The following MEAF6 variants were observed in gnomAD, a reference collection of about 807,000 sequenced individuals.
MEAF6 encodes the protein chromatin modification-related protein MEAF6.
A neutral mutation model predicts 28.9 loss-of-function variants in MEAF6; 15 were observed. The ratio of observed to expected loss-of-function variants is 0.52; its 90% CI spans 0.35 to 0.80. The LOEUF is 0.80. MEAF6 is among the 30% of genes least tolerant of loss of function. MEAF6 has a pLI of 0.01. For missense variants in MEAF6, 178 were observed against 237.5 expected (o/e 0.75, Z 1.65); for synonymous variants, 97 against 88.7 (o/e 1.09, Z -0.53).
In MEAF6 at chr1:37,492,067, C is replaced by T. The variant is rs1387122430; in HGVS notation, c.*2032G>A. Among the ~76,000 whole-genome samples, 1 of 151,274 alleles carries T rather than the reference C, an allele frequency of 6.6e-6. No homozygotes were observed. Among genetic ancestry groups the T allele is most frequent in the African/African-American group, 2.4e-5 (1 of 41,196 alleles). ...TTTTTGAGATGGAGTCTCGCTCTGT[C>T]GCCCAGGCTGGAGTGCAGTGGCACT... On this transcript the variant is annotated 3_prime_UTR_variant, in exon 7 of 7. Coordinates refer to ENST00000296214, the MANE Select transcript of MEAF6 (RefSeq NM_001270875.3).
intron 4 of MEAF6, among the ~76,000 whole-genome samples, chr1:37,503,935 G>T (rs1642394890): frequency 6.6e-6 from 1 of 152,098 alleles, no homozygotes; most frequent in Non-Finnish European, 1.5e-5. Context: ...GATCGCTCTG[G>T]GTGACAGAAC....
At chr1:37,500,287 T>TCC (rs5773589) in intron 5 of MEAF6, among the ~76,000 whole-genome samples, 1 of 150,560 alleles carries the variant, frequency 6.6e-6, no homozygotes, top group Non-Finnish European at 1.5e-5. Context: ...AGAGCAAGAC[T>TCC]GTCTGAAAAA....
chr1:37,511,247 G>A (rs1642660263), intron 2 of MEAF6, among the ~76,000 whole-genome samples: 1 of 152,272 alleles, frequency 6.6e-6, no homozygotes, highest in South Asian at 2.1e-4. Flanking sequence ...ATGTTGAAAC[G>A]ACAAACAAGC....
rs972018974 is a variant in MEAF6, at chr1:37,493,640, A to T, written c.*459T>A. 20 of 827,688 alleles carry T rather than the reference A, an allele frequency of 2.4e-5. No individual in the cohort carries two copies. The highest frequency in any genetic ancestry group is 3.3e-5 in the Non-Finnish European group (17 of 515,088). The allele number at this position is 827,688 out of a possible 1,614,324, so 51.3% of individuals were successfully genotyped here. On this transcript the variant is annotated 3_prime_UTR_variant, in exon 7 of 7. Coordinates refer to ENST00000296214, the MANE Select transcript of MEAF6 (RefSeq NM_001270875.3). The stretch of plus-strand genomic sequence containing the variant: ...ACCCCAAAGAAAATAAGATAAAAAC[A>T]ACAAGAGAAAAACAAGAAAACATAA...
chr1:37,490,869 A>T lies in MEAF6; in HGVS notation c.*3230T>A, dbSNP rs1450449162. 1.6e-5 allele frequency among the ~76,000 whole-genome samples: 2 copies of T among 121,908 alleles called. No individual in the cohort carries two copies. Among genetic ancestry groups the T allele is most frequent in the African/African-American group, 2.6e-5 (1 of 38,210 alleles). The allele number at this position is 121,908 out of a possible 152,430, so 80.0% of individuals were successfully genotyped here. A position where few individuals can be genotyped will look rare whatever the true frequency, so the allele number is the denominator to read the frequency against. On this transcript the variant is annotated 3_prime_UTR_variant, in exon 7 of 7. Transcript: ENST00000296214. Reference sequence around the variant, plus strand: ...GTGAAACCCGGTCTCTATTGAAAATAAAAAAAAACTAGCTGGGTGTGGTAG... The same window carrying T: ...GTGAAACCCGGTCTCTATTGAAAATTAAAAAAAACTAGCTGGGTGTGGTAG...
At chr1:37,500,993 C>G (rs1268608317) in intron 5 of MEAF6, 1 of 154,134 alleles carries the variant, frequency 6.5e-6, no homozygotes, top group African/African-American at 2.4e-5. Flanking sequence ...TCCTGGAAGG[C>G]TTGAGGCCAG....
intron 5 of MEAF6, chr1:37,496,737 C>T: frequency 6.3e-7 from 1 of 1,598,006 alleles, no homozygotes; most frequent in Non-Finnish European, 8.5e-7. Context: ...GCCAGACGGG[C>T]TGAGGGGCAG....
intron 4 of MEAF6, among the ~76,000 whole-genome samples, chr1:37,506,139 C>A (rs1384931007): frequency 6.6e-6 from 1 of 152,126 alleles, no homozygotes; most frequent in African/African-American, 2.4e-5. Flanking sequence ...GGCATGGTGG[C>A]GCGTGCCTGT....
At chr1:37,495,793 G>A (rs1422755981) in intron 6 of MEAF6, 92 bp downstream of exon 6, 1 of 1,264,518 alleles carries the variant, frequency 7.9e-7, no homozygotes, top group Non-Finnish European at 1.2e-6. Flanking sequence ...TATGACTCCA[G>A]GTTAGGAACA....
intron 2 of MEAF6, among the ~76,000 whole-genome samples, chr1:37,512,405 A>T (rs1642697997): frequency 6.6e-6 from 1 of 152,226 alleles, no homozygotes; most frequent in South Asian, 2.1e-4. Flanking sequence ...AATATATATT[A>T]TAGAAAGTAA....
intron 4 of MEAF6, among the ~76,000 whole-genome samples, chr1:37,508,274 CTTTTTTTTTTTTTTT>C (rs577291632): frequency 1.2e-5 from 1 of 83,878 alleles, no homozygotes; most frequent in African/African-American, 4.4e-5. Flanking sequence ...ATGAGCATTT[CTTTTTTTTTTTTTTT>C]TTTTTTTTTT....
intron 5 of MEAF6, among the ~76,000 whole-genome samples, chr1:37,498,406 TTTTTTA>T (rs148539573): frequency 0.14 from 18,994 of 136,206 alleles, 1,447 homozygotes; most frequent in South Asian, 0.19. Context: ...AGCTATGTTA[TTTTTTA>T]TTATTATTAT....
chr1:37,497,443 A>AT (rs1642159440), intron 5 of MEAF6, among the ~76,000 whole-genome samples: 1 of 152,170 alleles, frequency 6.6e-6, no homozygotes. Context: ...CCAAAGTTGA[A>AT]TGAATAAACT....
intron 4 of MEAF6, among the ~76,000 whole-genome samples, chr1:37,504,596 C>A (rs1642416661): frequency 6.6e-6 from 1 of 151,350 alleles, no homozygotes; most frequent in South Asian, 2.1e-4. Flanking sequence ...CATGGTAAGA[C>A]CCCACCTCTA....
chr1:37,513,526 T>A lies in MEAF6; in HGVS notation c.103A>T (p.Asn35Tyr). The A allele has an allele frequency of 6.2e-7, 1 of 1,613,880 alleles. No individual in the cohort carries two copies. Among genetic ancestry groups the A allele is most frequent in the Non-Finnish European group, 8.5e-7 (1 of 1,179,760 alleles). Reference sequence around the variant, plus strand: ...AAAGCATAGATCTGTCGCTCCAAATTTGCCAATGTTTCCTGAGAGATGAAA... The same window carrying A: ...AAAGCATAGATCTGTCGCTCCAAATATGCCAATGTTTCCTGAGAGATGAAA... ...RKQELAETLA[N>Y]LERQIYAFEG... Residue 35 changes from asparagine to tyrosine, a missense_variant, in exon 2 of 7, where the codon AAT becomes TAT. By Grantham distance (143) the Asn-to-Tyr change is moderately radical (BLOSUM62 -2). Transcript: ENST00000296214.
At chr1:37,514,597 G>A in intron 1 of MEAF6, 60 bp downstream of exon 1, 2 of 1,352,182 alleles carry the variant, frequency 1.5e-6, no homozygotes, top group Non-Finnish European at 2.0e-6. Context: ...CGGGCTTGGG[G>A]CCTGGAGGCG....
chr1:37,507,114 G>A (rs1431818326), intron 4 of MEAF6, among the ~76,000 whole-genome samples: 1 of 152,144 alleles, frequency 6.6e-6, no homozygotes, highest in Non-Finnish European at 1.5e-5. Context: ...GAGGTCAGGA[G>A]TTCAAGATCA....
chr1:37,501,679 C>G (rs1228345617), intron 5 of MEAF6, 125 bp downstream of exon 5: 2 of 970,960 alleles, frequency 2.1e-6, no homozygotes, highest in Non-Finnish European at 2.9e-6. Flanking sequence ...TCACTTGGAC[C>G]TAATGACTTT....
chr1:37,502,746 T>C (rs61778057), intron 4 of MEAF6, among the ~76,000 whole-genome samples: 48 of 151,696 alleles, frequency 3.2e-4, no homozygotes, highest in African/African-American at 8.7e-4. Context: ...GCCTCCCAAG[T>C]AGCTGGGACT....
Sources: allele counts gnomAD v4.1 joint callset (sites outside exome capture counted in the v4.1 genomes callset), GRCh38; gene constraint gnomAD v4.1.1; transcripts MANE v1.5; gene names NCBI Gene and HGNC (gene_info 2026-07-23, HGNC 2026-07-21).